The following RAF1 variants were observed in gnomAD, a reference collection of about 807,000 sequenced individuals.
RAF1 encodes Raf-1 proto-oncogene, serine/threonine kinase.
In RAF1, 27 loss-of-function variants were observed where a neutral mutation model predicts 81.1. The observed-to-expected ratio is 0.33, with a 90% CI of 0.25 to 0.46. The LOEUF (loss-of-function observed/expected upper bound fraction) is 0.46. Ranked by LOEUF, RAF1 falls within the 20% of genes least tolerant of loss-of-function variation. RAF1 has a pLI of 1.00. For missense variants in RAF1, 598 were observed against 826.0 expected, an observed-to-expected ratio of 0.72 and a Z score of 3.38; for synonymous variants, 298 against 294.0, an observed-to-expected ratio of 1.01 and a Z score of -0.14.
chr3:12,585,600 CGCTTT>C, intron 15 of RAF1, 76 bp downstream of exon 14: 1 of 1,405,828 alleles, frequency 7.1e-7, no homozygotes, highest in Non-Finnish European at 1.0e-6. Context: ...TGTACAGAAA[CGCTTT>C]AAGTTTGCAC....
At position 12,590,831 on chromosome 3, in the gene RAF1, A is replaced by G. The variant is rs1391168607; in HGVS notation, c.1397T>C (p.Ile466Thr). ...CTGAGCCGTCTGCCGGGCAATGTCA[A>G]TTAGCTGGAACATCTGAAACTTGGT... Residue 466 changes from isoleucine to threonine, a missense_variant, in exon 13 of 18, where the codon ATT (isoleucine) becomes ACT (threonine). Physicochemically the swap from Ile to Thr is moderately conservative, Grantham distance 89 (BLOSUM62 -1). Transcript: ENST00000442415. The G allele has an allele frequency of 1.9e-6, 3 of 1,613,890 alleles. No homozygotes were observed. The highest frequency in any genetic ancestry group is 1.7e-6 in the Non-Finnish European group (2 of 1,179,976).
In RAF1 at chr3:12,618,690, A is replaced by G; in HGVS notation, c.32T>C (p.Ile11Thr). ...ATCTTTGAATCCAAAACCATTGCTG[A>G]TCGTCTTCCAAGCTCCCTGTATGTG... Residue 11 changes from isoleucine to threonine, a missense_variant, in exon 2 of 18, where the codon ATC becomes ACC. Ile to Thr is a moderately conservative substitution (Grantham distance 89). Coordinates refer to ENST00000442415, the MANE Select transcript of RAF1 (RefSeq NM_001354689.3). 6.2e-7 allele frequency: 1 copy of G among 1,614,194 alleles called. No individual in the cohort carries two copies. The highest frequency in any genetic ancestry group is 8.5e-7 in the Non-Finnish European group (1 of 1,180,046).
intron 1 of RAF1, among the ~76,000 whole-genome samples, chr3:12,619,368 A>T (rs1206104357): frequency 3.3e-5 from 5 of 151,982 alleles, no homozygotes; most frequent in African/African-American, 1.2e-4. Flanking sequence ...GTTCAAGACC[A>T]GCCTGGCTAA....
rs752543784 is a variant in RAF1, at chr3:12,583,609, A to AAATTT, written c.*900_*904dup. 2 of 231,172 alleles carry AAATTT rather than the reference A, an allele frequency of 8.7e-6. No homozygotes were observed. Among genetic ancestry groups the AAATTT allele is most frequent in the African/African-American group, 2.2e-5 (1 of 45,230 alleles). The allele number at this position is 231,172 out of a possible 1,614,324, so 14.3% of individuals were successfully genotyped here. A position where few individuals can be genotyped will look rare whatever the true frequency, so the allele number is the denominator to read the frequency against. Reference sequence around the variant, plus strand: ...GAGGTAACAGCCAGCCATTACACCTAAATTTAATTTATTTTATTAAAATAA... The same window carrying AAATTT: ...GAGGTAACAGCCAGCCATTACACCTAAATTTAATTTAATTTATTTTATTAAAATAA... On this transcript the variant is annotated 3_prime_UTR_variant, in exon 18 of 18. Coordinates refer to ENST00000442415, the MANE Select transcript of RAF1 (RefSeq NM_001354689.3).
intron 5 of RAF1, among the ~76,000 whole-genome samples, chr3:12,607,874 C>G (rs1334350529): frequency 2.1e-5 from 3 of 140,462 alleles, no homozygotes; most frequent in Non-Finnish European, 3.0e-5. Flanking sequence ...TCACTTGAAC[C>G]TGGGAGGCAG....
rs1270783610 is a variant in RAF1, at chr3:12,599,701, A to G, written c.1158T>C (p.Gly386=). The change falls in exon 11 of 18, where the codon GGT becomes GGC. Residue 386 remains glycine (G), a synonymous_variant. Coordinates refer to ENST00000442415, the MANE Select transcript of RAF1 (RefSeq NM_001354689.3). Reference sequence around the variant, plus strand: ...GGGCCCCAAGCTTACCGTGCCATTTACCCTTATAAACAGTTCCAAAAGAGC... The same window carrying G: ...GGGCCCCAAGCTTACCGTGCCATTTGCCCTTATAAACAGTTCCAAAAGAGC... The G allele has an allele frequency of 6.2e-7, 1 of 1,613,704 alleles. No homozygotes were observed. Among genetic ancestry groups the G allele is most frequent in the Admixed American group, 1.7e-5 (1 of 60,014 alleles).
At chr3:12,642,950 C>G (rs1191889154) in intron 1 of RAF1, among the ~76,000 whole-genome samples, 2 of 151,220 alleles carry the variant, frequency 1.3e-5, no homozygotes, top group Non-Finnish European at 2.9e-5. Context: ...CAAAATGCAC[C>G]AAATATAGCC....
chr3:12,623,879 C>CA (rs2125471400), intron 1 of RAF1, among the ~76,000 whole-genome samples: 1 of 140,300 alleles, frequency 7.1e-6, no homozygotes, highest in Admixed American at 7.2e-5. Flanking sequence ...TTTTTTGAGA[C>CA]AGTCTTGCTC....
chr3:12,662,223 T>C (rs778910881), intron 1 of RAF1, among the ~76,000 whole-genome samples: 8 of 150,700 alleles, frequency 5.3e-5, no homozygotes, highest in African/African-American at 7.3e-5. Context: ...TAGTCCCAGC[T>C]ACTCAGGAGG....
chr3:12,599,625 C>T, intron 11 of RAF1, 66 bp downstream of exon 10: 1 of 1,230,094 alleles, frequency 8.1e-7, no homozygotes, highest in Non-Finnish European at 1.2e-6. Context: ...CCTCCTGGCC[C>T]CCTGGGCTGA....
At chr3:12,663,493 G>A (rs1007899218) in intron 1 of RAF1, among the ~76,000 whole-genome samples, 2 of 152,254 alleles carry the variant, frequency 1.3e-5, no homozygotes, top group African/African-American at 4.8e-5. Flanking sequence ...AGTGACAACA[G>A]ATATGGGGCA....
chr3:12,659,950 T>C (rs1409216507), intron 1 of RAF1, among the ~76,000 whole-genome samples: 1 of 152,184 alleles, frequency 6.6e-6, no homozygotes, highest in East Asian at 1.9e-4. Context: ...AAGATTTACC[T>C]GAAATTTAAA....
chr3:12,587,758 G>A, intron 13 of RAF1, 121 bp from the exon 13 acceptor site: 1 of 803,456 alleles, frequency 1.2e-6, no homozygotes, highest in South Asian at 1.4e-5. Flanking sequence ...TTACACACAG[G>A]GATAGACCCT....
chr3:12,612,417 G>A (rs956872474), intron 2 of RAF1, among the ~76,000 whole-genome samples: 18 of 152,152 alleles, frequency 1.2e-4, no homozygotes, highest in African/African-American at 3.1e-4. Context: ...GGGAAGCCGA[G>A]GCGGGTGGAT....
intron 2 of RAF1, among the ~76,000 whole-genome samples, chr3:12,616,154 T>A (rs2059362502): frequency 6.6e-6 from 1 of 152,106 alleles, no homozygotes; most frequent in Admixed American, 6.5e-5. Flanking sequence ...GGAAAGAGGA[T>A]CAAAAAAGTA....
intron 1 of RAF1, among the ~76,000 whole-genome samples, chr3:12,622,634 C>A (rs1224855135): frequency 6.6e-6 from 1 of 152,186 alleles, no homozygotes; most frequent in Non-Finnish European, 1.5e-5. Flanking sequence ...CTGCATGGTA[C>A]TTATGTTAGA....
At chr3:12,609,178 G>T in intron 4 of RAF1, 55 bp downstream of exon 4, 1 of 1,344,554 alleles carries the variant, frequency 7.4e-7, no homozygotes, top group Non-Finnish European at 1.1e-6. Context: ...AGAAATCTCT[G>T]TTATGCCTGG....
At chr3:12,620,120 T>C (rs1384633056) in intron 1 of RAF1, among the ~76,000 whole-genome samples, 2 of 152,190 alleles carry the variant, frequency 1.3e-5, no homozygotes, top group African/African-American at 4.8e-5. Context: ...ATTTAATTTG[T>C]GTAAGAACCC....
At chr3:12,642,114 C>T (rs137859172) in intron 1 of RAF1, among the ~76,000 whole-genome samples, 2,500 of 152,012 alleles carry the variant, frequency 0.016, 65 homozygotes, top group African/African-American at 0.057. Flanking sequence ...TGCCATTGCA[C>T]TCCAGCCTGG....
Sources: allele counts gnomAD v4.1 joint callset (sites outside exome capture counted in the v4.1 genomes callset), GRCh38; gene constraint gnomAD v4.1.1; transcripts MANE v1.5; gene names NCBI Gene and HGNC (gene_info 2026-07-23, HGNC 2026-07-21).